The following ARL15 variants were observed in gnomAD, a reference collection of about 807,000 sequenced individuals.
The protein encoded by ARL15 is ADP-ribosylation factor-like protein 15.
Under a neutral mutation model 25.2 loss-of-function variants are expected in ARL15, and 19 were observed. That is an observed-to-expected ratio of 0.75 (90% CI 0.53 to 1.10). ARL15 has a LOEUF of 1.10. ARL15 is among the 50% of genes least tolerant of loss of function. ARL15 has a pLI of 0.00. For synonymous variants in ARL15, 94 were observed against 86.8 expected (o/e 1.08, Z -0.46); for missense variants, 220 against 246.0 (o/e 0.89, Z 0.71).
At chr5:54,307,687 TCCC>T (rs1433266686) in intron 1 of ARL15, among the ~76,000 whole-genome samples, 1 of 152,138 alleles carries the variant, frequency 6.6e-6, no homozygotes, top group African/African-American at 2.4e-5. Flanking sequence ...CACCTTTCTC[TCCC>T]TTCTTCCTTT....
intron 3 of ARL15, among the ~76,000 whole-genome samples, chr5:54,127,129 T>A (rs1460918348): frequency 6.6e-6 from 1 of 152,210 alleles, no homozygotes; most frequent in Non-Finnish European, 1.5e-5. Flanking sequence ...TTACTGAGAA[T>A]GATGATTTCC....
intron 1 of ARL15, among the ~76,000 whole-genome samples, chr5:54,201,749 T>C (rs1196911091): frequency 6.6e-6 from 1 of 152,200 alleles, no homozygotes. Flanking sequence ...CCTATACCTA[T>C]GGTGATGGTC....
intron 1 of ARL15, among the ~76,000 whole-genome samples, chr5:54,281,240 A>C (rs1758057437): frequency 6.6e-6 from 1 of 152,006 alleles, no homozygotes; most frequent in Non-Finnish European, 1.5e-5. Flanking sequence ...CCTGGGTTCA[A>C]GCGATTCTCC....
intron 1 of ARL15, among the ~76,000 whole-genome samples, chr5:54,173,663 C>G (rs1365974874): frequency 6.6e-6 from 1 of 152,148 alleles, no homozygotes; most frequent in African/African-American, 2.4e-5. Flanking sequence ...CCCACTAGTT[C>G]CAGTATATTT....
chr5:53,939,122 C>T (rs1028118572), intron 4 of ARL15, among the ~76,000 whole-genome samples: 2 of 152,188 alleles, frequency 1.3e-5, no homozygotes, highest in African/African-American at 4.8e-5. Flanking sequence ...TTTCAAGCAT[C>T]ATTAATTGAT....
At chr5:53,917,061 C>T (rs1745675576) in intron 4 of ARL15, among the ~76,000 whole-genome samples, 1 of 152,170 alleles carries the variant, frequency 6.6e-6, no homozygotes, top group Non-Finnish European at 1.5e-5. Context: ...AGAACAAAAG[C>T]ATCAGGTAGG....
chr5:54,113,085 C>T (rs1752788007), intron 4 of ARL15, 117 bp downstream of exon 4: 1 of 998,374 alleles, frequency 1.0e-6, no homozygotes, highest in Non-Finnish European at 1.4e-6. Flanking sequence ...ACTAAGGTTT[C>T]ATGTTGAAAG....
intron 4 of ARL15, among the ~76,000 whole-genome samples, chr5:54,096,350 A>ACATATT (rs1257306226): frequency 1.4e-4 from 22 of 152,194 alleles, no homozygotes; most frequent in African/African-American, 5.1e-4. Context: ...GTGTGCAAAA[A>ACATATT]ATATTGTTTG....
intron 3 of ARL15, among the ~76,000 whole-genome samples, chr5:54,142,347 G>C (rs181851590): frequency 6.6e-6 from 1 of 152,144 alleles, no homozygotes; most frequent in Admixed American, 6.5e-5. Context: ...GGAATTTAGG[G>C]AGCAACATGG....
At chr5:53,894,604 G>T (rs1232006558) in intron 4 of ARL15, among the ~76,000 whole-genome samples, 2 of 152,018 alleles carry the variant, frequency 1.3e-5, no homozygotes, top group Non-Finnish European at 2.9e-5. Flanking sequence ...GTTATGTATG[G>T]GTGCTTCTTG....
intron 1 of ARL15, among the ~76,000 whole-genome samples, chr5:54,218,805 T>C (rs1756291656): frequency 6.6e-6 from 1 of 152,120 alleles, no homozygotes; most frequent in Non-Finnish European, 1.5e-5. Context: ...AACTTAAAAG[T>C]AGATGTTGAG....
chr5:53,920,028 C>A (rs1745794608), intron 4 of ARL15, among the ~76,000 whole-genome samples: 1 of 152,090 alleles, frequency 6.6e-6, no homozygotes, highest in Non-Finnish European at 1.5e-5. Context: ...AGTGACTGCC[C>A]AGAGTAGGTG....
intron 4 of ARL15, among the ~76,000 whole-genome samples, chr5:54,025,045 C>G (rs1410256548): frequency 2.0e-5 from 3 of 151,964 alleles, no homozygotes; most frequent in Non-Finnish European, 4.4e-5. Flanking sequence ...AAATTTTCCA[C>G]TTTTACTAAA....
intron 4 of ARL15, among the ~76,000 whole-genome samples, chr5:54,041,772 C>A (rs1750348588): frequency 6.6e-6 from 1 of 152,106 alleles, no homozygotes; most frequent in African/African-American, 2.4e-5. Flanking sequence ...ATGAGAAAAG[C>A]AAGCAATCTG....
At chr5:54,128,028 G>T (rs1052366479) in intron 3 of ARL15, among the ~76,000 whole-genome samples, 22 of 152,158 alleles carry the variant, frequency 1.4e-4, no homozygotes, top group African/African-American at 5.1e-4. Context: ...TCAAGATGGA[G>T]CTAATAAACT....
chr5:53,921,335 C>G lies in ARL15; in HGVS notation c.463-34622G>C, dbSNP rs554895786. On this transcript the variant is annotated intron_variant, in intron 4 of 4. Transcript: ENST00000504924. ...TCTTACCTATGGGTATACTGTCCCC[C>G]CTATAGCTATTGTAAGTATGTAAGT... is the stretch of plus-strand genomic sequence containing the variant. Among the ~76,000 whole-genome samples, 15 of 152,264 alleles carry G rather than the reference C, an allele frequency of 9.9e-5. No homozygotes were observed. In the East Asian group the frequency reaches 2.9e-3, roughly 29 times the overall value.
intron 4 of ARL15, among the ~76,000 whole-genome samples, chr5:54,089,148 G>A (rs2112137322): frequency 6.6e-6 from 1 of 152,290 alleles, no homozygotes; most frequent in Middle Eastern, 3.4e-3. Flanking sequence ...GCCTCAGGAA[G>A]CTGGCTCAGC....
intron 4 of ARL15, among the ~76,000 whole-genome samples, chr5:53,916,883 T>C (rs1349122215): frequency 2.0e-5 from 3 of 152,224 alleles, no homozygotes; most frequent in Non-Finnish European, 2.9e-5. Flanking sequence ...TTGCTCTGCA[T>C]ATCAAAGAGA....
chr5:54,225,359 T>C (rs1028610886), intron 1 of ARL15, among the ~76,000 whole-genome samples: 3 of 152,166 alleles, frequency 2.0e-5, no homozygotes, highest in Non-Finnish European at 2.9e-5. Flanking sequence ...CATTAACACC[T>C]GCTGGAGTGG....
Sources: allele counts gnomAD v4.1 joint callset (sites outside exome capture counted in the v4.1 genomes callset), GRCh38; gene constraint gnomAD v4.1.1; transcripts MANE v1.5; gene names NCBI Gene and HGNC (gene_info 2026-07-23, HGNC 2026-07-21).